CYTH3: variants seen among roughly 807,000 people sequenced by gnomAD.
The protein encoded by CYTH3 is cytohesin-3.
Under a neutral mutation model 55.1 loss-of-function variants are expected in CYTH3, and 23 were observed. The observed-to-expected ratio is 0.42, with a 90% CI of 0.30 to 0.59. CYTH3 has a LOEUF of 0.59. CYTH3 is among the 20% of genes least tolerant of loss of function. CYTH3 has a pLI of 0.20. For missense variants in CYTH3, 413 were observed against 524.8 expected (o/e 0.79, Z 2.08); for synonymous variants, 249 against 194.9 (o/e 1.28, Z -2.31).
rs879659416 is a variant in CYTH3, at chr7:6,162,485, T to C, written c.*2459A>G. 2.6e-5 allele frequency: 4 copies of C among 152,258 alleles called. No homozygotes were observed. The highest frequency in any genetic ancestry group is 5.9e-5 in the Non-Finnish European group (4 of 68,056). The allele number at this position is 152,258 out of a possible 1,614,324, so 9.4% of individuals were successfully genotyped here. A position where few individuals can be genotyped will look rare whatever the true frequency, so the allele number is the denominator to read the frequency against. The stretch of plus-strand genomic sequence containing the variant: ...CCCAGGGTGAGGGACAAAAAACAGA[T>C]GTGTCCTGTTTCAGGGCCGTCCTGG... On this transcript the variant is annotated 3_prime_UTR_variant, in exon 13 of 13. Transcript: ENST00000350796.
At chr7:6,200,693 A>G (rs1001457176) in intron 1 of CYTH3, among the ~76,000 whole-genome samples, 9 of 152,210 alleles carry the variant, frequency 5.9e-5, no homozygotes, top group African/African-American at 1.7e-4. Flanking sequence ...GAAACTCTAC[A>G]TGGAGCCGTG....
intron 1 of CYTH3, among the ~76,000 whole-genome samples, chr7:6,231,007 CA>C (rs1035807389): frequency 1.3e-5 from 2 of 152,208 alleles, no homozygotes; most frequent in Admixed American, 1.3e-4. Flanking sequence ...ACTGTGCCTT[CA>C]CTTTCCCCAC....
chr7:6,193,778 CAG>C (rs1300137793), intron 1 of CYTH3, among the ~76,000 whole-genome samples: 5 of 152,190 alleles, frequency 3.3e-5, no homozygotes, highest in East Asian at 1.9e-4. Context: ...GAGAACAAAA[CAG>C]AGAGACTAGG....
chr7:6,211,154 T>C (rs532351433), intron 1 of CYTH3, among the ~76,000 whole-genome samples: 5 of 152,094 alleles, frequency 3.3e-5, no homozygotes, highest in Admixed American at 2.6e-4. Context: ...TGGGGCACCA[T>C]CCCCTCCTGT....
At chr7:6,179,949 G>T (rs1378756120) in intron 4 of CYTH3, among the ~76,000 whole-genome samples, 1 of 143,834 alleles carries the variant, frequency 7.0e-6, no homozygotes, top group African/African-American at 2.6e-5. Flanking sequence ...ACACACAGTA[G>T]CAATGCAGGT....
chr7:6,168,550 G>A (rs1440217472), intron 9 of CYTH3, among the ~76,000 whole-genome samples: 1 of 152,108 alleles, frequency 6.6e-6, no homozygotes, highest in East Asian at 1.9e-4. Context: ...GAGAGGACAA[G>A]GAAGCCAGCC....
At chr7:6,259,421 G>C (rs567025920) in intron 1 of CYTH3, among the ~76,000 whole-genome samples, 3 of 152,044 alleles carry the variant, frequency 2.0e-5, no homozygotes, top group Admixed American at 6.6e-5. Flanking sequence ...TCAGCTCAAA[G>C]AGTAAATTTA....
At chr7:6,183,283 G>A (rs917218747) in intron 4 of CYTH3, among the ~76,000 whole-genome samples, 2 of 152,218 alleles carry the variant, frequency 1.3e-5, no homozygotes, top group African/African-American at 4.8e-5. Flanking sequence ...TTTCTTGTAT[G>A]TGCTGTGGGG....
chr7:6,172,796 C>A (rs1012692086), intron 6 of CYTH3: 5 of 1,281,238 alleles, frequency 3.9e-6, no homozygotes, highest in Non-Finnish European at 5.1e-6. Context: ...TGAACTGCGG[C>A]TGCAGGATTC....
chr7:6,267,222 A>G (rs1780520668), intron 1 of CYTH3, among the ~76,000 whole-genome samples: 1 of 152,202 alleles, frequency 6.6e-6, no homozygotes, highest in South Asian at 2.1e-4. Flanking sequence ...CTGCACAACC[A>G]TGAGTCCATG....
chr7:6,221,837 A>C (rs1266999161), intron 1 of CYTH3, among the ~76,000 whole-genome samples: 1 of 152,218 alleles, frequency 6.6e-6, no homozygotes, highest in African/African-American at 2.4e-5. Context: ...CTGTGGTCCC[A>C]GCTACTGGGA....
At chr7:6,182,017 C>G (rs530039738) in intron 4 of CYTH3, among the ~76,000 whole-genome samples, 1 of 151,978 alleles carries the variant, frequency 6.6e-6, no homozygotes, top group Non-Finnish European at 1.5e-5. Context: ...AAAGTTTCCT[C>G]CTATTGTTTT....
chr7:6,245,732 C>T (rs1779796250), intron 1 of CYTH3, among the ~76,000 whole-genome samples: 2 of 152,156 alleles, frequency 1.3e-5, no homozygotes, highest in Admixed American at 1.3e-4. Context: ...TGGTGAAACC[C>T]CGTCTCTACT....
At chr7:6,269,888 A>G (rs111604180) in intron 1 of CYTH3, among the ~76,000 whole-genome samples, 3 of 152,218 alleles carry the variant, frequency 2.0e-5, no homozygotes, top group African/African-American at 4.8e-5. Flanking sequence ...AGACCTTTTC[A>G]ATTATCTTTG....
intron 9 of CYTH3, among the ~76,000 whole-genome samples, chr7:6,168,970 C>G (rs187626269): frequency 9.2e-5 from 14 of 152,334 alleles, no homozygotes; most frequent in Non-Finnish European, 1.8e-4. Flanking sequence ...CATTCCCCCC[C>G]ACCGGCCCTC....
chr7:6,228,908 G>T (rs998311791), intron 1 of CYTH3, among the ~76,000 whole-genome samples: 4 of 152,168 alleles, frequency 2.6e-5, no homozygotes, highest in African/African-American at 7.2e-5. Flanking sequence ...GAGTTATTGA[G>T]GATGCAGTGA....
rs1227061961 is a variant in CYTH3, at chr7:6,177,835, T to C, written c.356A>G (p.Tyr119Cys). ...TCCTCTAACTCACCTTTCACCCAGG[T>C]AGTCCCCAATGACGGTCTTATTTAG... Reference protein sequence around the residue: ...EGLNKTVIGDYLGERDEFNIK... With the variant: ...EGLNKTVIGDCLGERDEFNIK... Residue 119 changes from tyrosine to cysteine, a missense_variant, in exon 5 of 13, where the codon TAC (tyrosine) becomes TGC (cysteine). Coordinates refer to ENST00000350796, the MANE Select transcript of CYTH3 (RefSeq NM_004227.4). The C allele has an allele frequency of 1.2e-6, 2 of 1,613,634 alleles. No individual in the cohort carries two copies. Among genetic ancestry groups the C allele is most frequent in the African/African-American group, 1.3e-5 (1 of 74,932 alleles).
chr7:6,193,045 G>A (rs1023585427), intron 1 of CYTH3, among the ~76,000 whole-genome samples: 2 of 151,908 alleles, frequency 1.3e-5, no homozygotes, highest in South Asian at 2.1e-4. Flanking sequence ...AGTGGTGGGC[G>A]CCTGTAATCC....
At chr7:6,178,083 T>C (rs1783393534) in intron 4 of CYTH3, 142 bp from the exon 5 acceptor site, 2 of 613,046 alleles carry the variant, frequency 3.3e-6, no homozygotes, top group Admixed American at 5.4e-5. Context: ...AACTGCACAA[T>C]CTGATTTTCC....
Sources: allele counts gnomAD v4.1 joint callset (sites outside exome capture counted in the v4.1 genomes callset), GRCh38; gene constraint gnomAD v4.1.1; transcripts MANE v1.5; gene names NCBI Gene and HGNC (gene_info 2026-07-23, HGNC 2026-07-21).